TIMM50: variants seen among roughly 807,000 people sequenced by gnomAD.
TIMM50 encodes translocase of inner mitochondrial membrane 50.
In TIMM50, 34 loss-of-function variants were observed where a neutral mutation model predicts 49.6. The ratio of observed to expected loss-of-function variants is 0.69; its 90% CI spans 0.52 to 0.91. TIMM50 has a LOEUF of 0.91. TIMM50 is among the 40% of genes least tolerant of loss of function. The pLI is 0.00. For missense variants in TIMM50, 458 were observed against 477.8 expected (o/e 0.96, Z 0.39); for synonymous variants, 199 against 198.4 (o/e 1.00, Z -0.03).
At position 39,489,762 on chromosome 19, in the gene TIMM50, A is replaced by G. The variant is rs1372647961; in HGVS notation, c.1004A>G (p.Gln335Arg). The change falls in exon 11 of 11, where the codon CAG (glutamine) becomes CGG (arginine). Residue 335 changes from glutamine to arginine, a missense_variant. Coordinates refer to ENST00000607714, the MANE Select transcript of TIMM50 (RefSeq NM_001001563.5). ...GCCGAGCTCTCCAAGTCCAACAAGCAGAACCTCTTCCTTGGCTCCCTCACC... is the reference window on the plus strand; with the variant it reads ...GCCGAGCTCTCCAAGTCCAACAAGCGGAACCTCTTCCTTGGCTCCCTCACC... ...RLAELSKSNK[Q>R]NLFLGSLTSR... 1 of 1,612,614 alleles carries G rather than the reference A, an allele frequency of 6.2e-7. No homozygotes were observed. The highest frequency in any genetic ancestry group is 1.1e-5 in the South Asian group (1 of 90,480).
intron 4 of TIMM50, among the ~76,000 whole-genome samples, chr19:39,484,282 T>A (rs994594901): frequency 6.6e-6 from 1 of 152,184 alleles, no homozygotes; most frequent in Non-Finnish European, 1.5e-5. Flanking sequence ...CCTGTGCCTG[T>A]GGTCCCAGCT....
intron 10 of TIMM50, 107 bp from the exon 11 acceptor site, chr19:39,489,612 C>T: frequency 9.0e-7 from 1 of 1,110,682 alleles, no homozygotes; most frequent in Non-Finnish European, 1.3e-6. Context: ...TGGCAGAAGT[C>T]AGAAGGAAAG....
At chr19:39,485,374 C>T in intron 4 of TIMM50, 170 bp from the exon 5 acceptor site, 2 of 683,128 alleles carry the variant, frequency 2.9e-6, no homozygotes, top group East Asian at 2.7e-5. Flanking sequence ...ATCTGTGTTC[C>T]TATCTGGCGG....
rs757175909 is a variant in TIMM50, at chr19:39,486,156, T to C, written c.493-31T>C. The C allele has an allele frequency of 4.4e-6, 7 of 1,606,438 alleles. No homozygotes were observed. The Admixed American group carries it at 5.0e-5, about 11-fold the overall frequency. On this transcript the variant is annotated intron_variant, in intron 6 of 10. Coordinates refer to ENST00000607714, the MANE Select transcript of TIMM50 (RefSeq NM_001001563.5). The stretch of plus-strand genomic sequence containing the variant: ...GGGGACTCTGAGGACCTCTGGGTCT[T>C]GGTGTTTCACTGTCCTCACTGTCTT...
At chr19:39,488,448 C>G in intron 9 of TIMM50, 91 bp from the exon 10 acceptor site, 1 of 1,249,672 alleles carries the variant, frequency 8.0e-7, no homozygotes, top group Non-Finnish European at 1.2e-6. Flanking sequence ...ACTGACTGCC[C>G]CCGTGCCCCA....
chr19:39,486,413 T>C lies in TIMM50; in HGVS notation c.614T>C (p.Ile205Thr), dbSNP rs375379450. 1.2e-6 allele frequency: 2 copies of C among 1,614,008 alleles called. No homozygotes were observed. Among genetic ancestry groups the C allele is most frequent in the Non-Finnish European group, 1.7e-6 (2 of 1,179,990 alleles). Residue 205 changes from isoleucine (I) to threonine (T), a missense_variant, in exon 8 of 11, where the codon ATT becomes ACT. By Grantham distance (89) the Ile-to-Thr change is moderately conservative (BLOSUM62 -1). Coordinates refer to ENST00000607714, the MANE Select transcript of TIMM50 (RefSeq NM_001001563.5). ...SETGMTAFPL[I>T]DSVDPHGFIS... The stretch of plus-strand genomic sequence containing the variant: ...CACCCCCAGACTGCGTTTCCACTCA[T>C]TGATAGTGTGGACCCCCATGGCTTC...
chr19:39,482,846 G>T, intron 2 of TIMM50, 39 bp from the exon 3 acceptor site: 1 of 1,613,884 alleles, frequency 6.2e-7, no homozygotes, highest in East Asian at 2.2e-5. Context: ...CAGGGGACTG[G>T]GCCCTAATTC....
At chr19:39,488,930 G>A (rs2079526135) in intron 10 of TIMM50, among the ~76,000 whole-genome samples, 1 of 152,124 alleles carries the variant, frequency 6.6e-6, no homozygotes, top group African/African-American at 2.4e-5. Context: ...GAGTAGGTCT[G>A]GGGGCACCTT....
intron 8 of TIMM50, among the ~76,000 whole-genome samples, chr19:39,486,972 G>A (rs1468318697): frequency 1.3e-5 from 2 of 152,098 alleles, no homozygotes; most frequent in African/African-American, 2.4e-5. Flanking sequence ...TCGTGTCGGG[G>A]TGGGGGTTCT....
intron 1 of TIMM50, 55 bp from the exon 2 acceptor site, chr19:39,481,828 G>C: frequency 6.3e-7 from 1 of 1,577,136 alleles, no homozygotes; most frequent in Non-Finnish European, 8.6e-7. Context: ...CTGGAGGGTG[G>C]GGACCATCCT....
In TIMM50 at chr19:39,482,010, C is replaced by A; in HGVS notation, c.236C>A (p.Thr79Asn). 1 of 1,614,154 alleles carries A rather than the reference C, an allele frequency of 6.2e-7. No homozygotes were observed. Among genetic ancestry groups the A allele is most frequent in the Non-Finnish European group, 8.5e-7 (1 of 1,180,016 alleles). ...GCTGGGCTGCTTGGAGCTGGTGGGA[C>A]TGTGAGCGTCGTCTATATCTTTGGT... is the stretch of plus-strand genomic sequence containing the variant. ...WLAGLLGAGGTVSVVYIFGNN... is the reference protein window; with the variant it reads ...WLAGLLGAGGNVSVVYIFGNN... The change falls in exon 2 of 11, where the codon ACT (threonine) becomes AAT (asparagine). Residue 79 changes from threonine (T) to asparagine (N), a missense_variant. By Grantham distance (65) the Thr-to-Asn change is moderately conservative (BLOSUM62 0). Coordinates refer to ENST00000607714, the MANE Select transcript of TIMM50 (RefSeq NM_001001563.5).
At position 39,492,888 on chromosome 19, in the gene TIMM50, AAAAAC is replaced by A. The variant is rs2079557107; in HGVS notation, c.*3073_*3077del. 2 of 145,274 alleles carry A rather than the reference AAAAAC, an allele frequency of 1.4e-5. No homozygotes were observed. Among genetic ancestry groups the A allele is most frequent in the African/African-American group, 5.4e-5 (2 of 37,176 alleles). 9.0% of individuals were successfully genotyped at this position (145,274 alleles called of 1,614,324 possible). Reference sequence around the variant, plus strand: ...TCTGTCTCCAAAAAAAAAAAAAAAAAAAAACAAAAAAAAAACCAGTTTGACTTTAT... The same window carrying A: ...TCTGTCTCCAAAAAAAAAAAAAAAAAAAAAAAAAAACCAGTTTGACTTTAT... On this transcript the variant is annotated 3_prime_UTR_variant, in exon 11 of 11. Coordinates refer to ENST00000607714, the MANE Select transcript of TIMM50 (RefSeq NM_001001563.5).
rs530233693 is a variant in TIMM50 at position 39,489,950 on chromosome 19, A to G, written c.*130A>G. On this transcript the variant is annotated 3_prime_UTR_variant, in exon 11 of 11. Coordinates refer to ENST00000607714, the MANE Select transcript of TIMM50 (RefSeq NM_001001563.5). Reference sequence around the variant, plus strand: ...CCTGCTGTGTCCCGAGAGTCTCCAGATGGGGGCATCAGGGTGAGGTCCGGG... The same window carrying G: ...CCTGCTGTGTCCCGAGAGTCTCCAGGTGGGGGCATCAGGGTGAGGTCCGGG... 7.3e-5 allele frequency: 65 copies of G among 885,716 alleles called. No homozygotes were observed. In the Middle Eastern group the frequency reaches 8.9e-4, roughly 12 times the overall value. 54.9% of individuals were successfully genotyped at this position (885,716 alleles called of 1,614,324 possible).
In TIMM50 at chr19:39,480,878, T is replaced by C. The variant is rs759241680; in HGVS notation, c.25T>C (p.Ser9Pro). ...GATGGCGGCCTCGGCAGCGGTGTTCTCGCGCTTGCGAAGCGGGCTCCGGCT... is the reference window on the plus strand; with the variant it reads ...GATGGCGGCCTCGGCAGCGGTGTTCCCGCGCTTGCGAAGCGGGCTCCGGCT... Reference protein sequence around the residue: MAASAAVFSRLRSGLRLGS... With the variant: MAASAAVFPRLRSGLRLGS... The change falls in exon 1 of 11, where the codon TCG becomes CCG. Residue 9 changes from serine (S) to proline (P), a missense_variant. Ser to Pro is a moderately conservative substitution (Grantham distance 74, BLOSUM62 -1). Transcript: ENST00000607714. 6.3e-6 allele frequency: 10 copies of C among 1,599,896 alleles called. No individual in the cohort carries two copies. The highest frequency in any genetic ancestry group is 6.8e-6 in the Non-Finnish European group (8 of 1,176,118).
rs1312370372 is a variant in TIMM50 at position 39,483,750 on chromosome 19, G to A, written c.313+594G>A. On this transcript the variant is annotated intron_variant, in intron 4 of 10. Transcript: ENST00000607714. ...AACTGGGCAGTTGTAGAATCATGCT[G>A]GCTTCAACAAATCAGTATGCTGATT... is the stretch of plus-strand genomic sequence containing the variant. Among the ~76,000 whole-genome samples the A allele has an allele frequency of 2.0e-5, 3 of 152,294 alleles. No individual in the cohort carries two copies. The East Asian group carries it at 5.8e-4, about 29-fold the overall frequency.
At chr19:39,488,689 C>T (rs2079524713) in intron 10 of TIMM50, 44 bp downstream of exon 10, 2 of 1,534,842 alleles carry the variant, frequency 1.3e-6, no homozygotes, top group East Asian at 2.2e-5. Context: ...CTCTGAGGCT[C>T]CTGAAGGAGG....
intron 9 of TIMM50, 152 bp from the exon 10 acceptor site, chr19:39,488,387 G>A: frequency 9.3e-7 from 1 of 1,070,994 alleles, no homozygotes; most frequent in Non-Finnish European, 1.4e-6. Flanking sequence ...GGGGATACTT[G>A]GGGATGTTCA....
At chr19:39,486,646 T>C (rs1343700258) in intron 8 of TIMM50, 151 bp downstream of exon 8, 2 of 710,590 alleles carry the variant, frequency 2.8e-6, no homozygotes, top group African/African-American at 3.5e-5. Flanking sequence ...CCTCTAGCCT[T>C]GGCCAGACAT....
intron 10 of TIMM50, 110 bp downstream of exon 10, chr19:39,488,755 T>C (rs1692954062): frequency 3.7e-6 from 3 of 800,522 alleles, no homozygotes; most frequent in Admixed American, 2.1e-5. Context: ...CCTGAGCAGA[T>C]ACCTCCTCTC....
Sources: gnomAD v4.1 joint callset for allele counts (sites outside exome capture counted in the v4.1 genomes callset) on GRCh38, gnomAD v4.1.1 for gene constraint, MANE v1.5 for transcripts, NCBI Gene and HGNC (gene_info 2026-07-23, HGNC 2026-07-21) for gene names.